The following PTPRT variants were observed in gnomAD, a reference collection of about 807,000 sequenced individuals.
PTPRT encodes the protein receptor-type tyrosine-protein phosphatase T.
PTPRT carries 56 observed loss-of-function variants against 176.8 expected under a neutral mutation model. That is an observed-to-expected ratio of 0.32 (90% CI 0.26 to 0.40). The LOEUF is 0.40. Among genes scored for constraint, PTPRT ranks in the 10% least tolerant of loss-of-function variants. The probability of loss-of-function intolerance (pLI) is 1.00; values close to 1 mark genes in which losing one functional copy is unlikely to be tolerated. For missense variants in PTPRT, 1,540 were observed against 1,908.2 expected, an observed-to-expected ratio of 0.81 and a Z score of 3.60; for synonymous variants, 783 against 739.0, an observed-to-expected ratio of 1.06 and a Z score of -0.96.
intron 9 of PTPRT, among the ~76,000 whole-genome samples, chr20:42,411,342 C>T (rs916481718): frequency 1.3e-5 from 2 of 151,582 alleles, no homozygotes; most frequent in Non-Finnish European, 2.9e-5. Flanking sequence ...CTTGGTGAAA[C>T]CCTGTCTCTA....
intron 15 of PTPRT, among the ~76,000 whole-genome samples, chr20:42,233,880 A>G (rs763312591): frequency 1.2e-4 from 18 of 152,162 alleles, no homozygotes; most frequent in Non-Finnish European, 2.2e-4. Context: ...CACCAATTGA[A>G]AGGCCTGTGT....
chr20:43,090,371 C>G (rs1484392206), intron 1 of PTPRT, among the ~76,000 whole-genome samples: 1 of 152,018 alleles, frequency 6.6e-6, no homozygotes, highest in East Asian at 1.9e-4. Context: ...GGGTTCATGC[C>G]ATTCTCCTGC....
At chr20:42,878,983 C>T (rs1192331748) in intron 2 of PTPRT, among the ~76,000 whole-genome samples, 1 of 152,040 alleles carries the variant, frequency 6.6e-6, no homozygotes, top group African/African-American at 2.4e-5. Context: ...GAGCCGAGAT[C>T]GTGCTACAGC....
At chr20:43,102,823 G>A (rs1207172625) in intron 1 of PTPRT, among the ~76,000 whole-genome samples, 1 of 152,158 alleles carries the variant, frequency 6.6e-6, no homozygotes, top group Non-Finnish European at 1.5e-5. Flanking sequence ...CTCTCCAGCT[G>A]TGGTTTCTTG....
intron 14 of PTPRT, among the ~76,000 whole-genome samples, chr20:42,239,690 G>A (rs2056315960): frequency 6.6e-6 from 1 of 152,010 alleles, no homozygotes. Flanking sequence ...CCAAAGTGCT[G>A]GGATTACAGG....
chr20:42,950,683 G>A (rs911991483), intron 1 of PTPRT, among the ~76,000 whole-genome samples: 16 of 152,104 alleles, frequency 1.1e-4, no homozygotes, highest in Non-Finnish European at 2.2e-4. Flanking sequence ...TCTGTAATTG[G>A]GTACGTGTTT....
chr20:42,658,194 A>G (rs560045374), intron 7 of PTPRT, among the ~76,000 whole-genome samples: 1 of 152,316 alleles, frequency 6.6e-6, no homozygotes, highest in East Asian at 1.9e-4. Context: ...GCTTTTGTCA[A>G]ATGATTAATA....
the PTPRT span, among the ~76,000 whole-genome samples, chr20:42,045,770 A>G: frequency 7.9e-5 from 12 of 152,170 alleles, no homozygotes; most frequent in Non-Finnish European, 1.5e-5. Context: ...ATACCTGAAC[A>G]ACTGAGGCCA....
intron 27 of PTPRT, among the ~76,000 whole-genome samples, chr20:42,095,644 A>C (rs1048521568): frequency 7.2e-5 from 11 of 152,202 alleles, no homozygotes; most frequent in Admixed American, 6.5e-4. Flanking sequence ...GCCTTTTTCC[A>C]AACACTCGTG....
intron 2 of PTPRT, among the ~76,000 whole-genome samples, chr20:42,799,174 A>G (rs2077494637): frequency 6.6e-6 from 1 of 152,034 alleles, no homozygotes; most frequent in South Asian, 2.1e-4. Context: ...ATGGAAGGGA[A>G]GAAGGGAGGA....
At chr20:42,810,777 C>A (rs2077686928) in intron 2 of PTPRT, among the ~76,000 whole-genome samples, 1 of 152,200 alleles carries the variant, frequency 6.6e-6, no homozygotes, top group Non-Finnish European at 1.5e-5. Flanking sequence ...CAGATCACTT[C>A]CACATGGTGG....
At chr20:42,238,710 GTTC>G (rs1201388366) in intron 14 of PTPRT, among the ~76,000 whole-genome samples, 1 of 152,198 alleles carries the variant, frequency 6.6e-6, no homozygotes, top group Non-Finnish European at 1.5e-5. Flanking sequence ...GGGCAAGTAA[GTTC>G]TTCTTCTTCC....
At chr20:42,111,649 C>T (rs1424750340) in intron 22 of PTPRT, among the ~76,000 whole-genome samples, 1 of 151,852 alleles carries the variant, frequency 6.6e-6, no homozygotes, top group East Asian at 1.9e-4. Context: ...CTTCAACATG[C>T]TAACTTACTT....
chr20:43,182,561 T>C (rs1200925108), intron 1 of PTPRT, among the ~76,000 whole-genome samples: 1 of 152,118 alleles, frequency 6.6e-6, no homozygotes, highest in African/African-American at 2.4e-5. Flanking sequence ...CGGCTAATTT[T>C]TGTATTTATA....
chr20:43,156,020 T>C (rs1476904123), intron 1 of PTPRT, among the ~76,000 whole-genome samples: 2 of 152,222 alleles, frequency 1.3e-5, no homozygotes, highest in Admixed American at 6.5e-5. Context: ...TCCATCATTT[T>C]ATCTGGGCAT....
intron 1 of PTPRT, among the ~76,000 whole-genome samples, chr20:43,132,661 T>C (rs1321170791): frequency 6.6e-6 from 1 of 152,166 alleles, no homozygotes; most frequent in Non-Finnish European, 1.5e-5. Flanking sequence ...AGACTTCTCC[T>C]GTAAAGAGTA....
At chr20:42,961,974 A>T (rs955856427) in intron 1 of PTPRT, among the ~76,000 whole-genome samples, 1 of 152,180 alleles carries the variant, frequency 6.6e-6, no homozygotes, top group African/African-American at 2.4e-5. Flanking sequence ...CTAGAAGCTG[A>T]AAAAGGCAAG....
intron 2 of PTPRT, among the ~76,000 whole-genome samples, chr20:42,870,685 T>C (rs1198801780): frequency 1.3e-5 from 2 of 152,244 alleles, no homozygotes; most frequent in African/African-American, 2.4e-5. Context: ...ATTCCCATCA[T>C]TAAATGATAC....
intron 2 of PTPRT, among the ~76,000 whole-genome samples, chr20:42,845,065 C>T (rs953379749): frequency 6.6e-6 from 1 of 152,098 alleles, no homozygotes; most frequent in East Asian, 1.9e-4. Context: ...ATGAAGATGC[C>T]CCTGTGGGAG....
Sources: gnomAD v4.1 joint callset for allele counts (sites outside exome capture counted in the v4.1 genomes callset) on GRCh38, gnomAD v4.1.1 for gene constraint, MANE v1.5 for transcripts, NCBI Gene and HGNC (gene_info 2026-07-23, HGNC 2026-07-21) for gene names.